The following ZNF436 variants were observed in gnomAD, a reference collection of about 807,000 sequenced individuals.
ZNF436 encodes zinc finger protein 436, also known as DNA-binding protein.
ZNF436 carries 22 observed loss-of-function variants against 41.9 expected under a neutral mutation model. The ratio of observed to expected loss-of-function variants is 0.53; its 90% CI spans 0.38 to 0.75. ZNF436 has a LOEUF of 0.75. ZNF436 is among the 30% of genes least tolerant of loss of function. The pLI is 0.00. For synonymous variants in ZNF436, 217 were observed against 197.8 expected (o/e 1.10, Z -0.82); for missense variants, 506 against 587.3 (o/e 0.86, Z 1.43).
rs1383867459 is a variant in ZNF436 at position 23,360,696 on chromosome 1, T to C, written c.*1273A>G. On this transcript the variant is annotated 3_prime_UTR_variant, in exon 4 of 4. Coordinates refer to ENST00000314011, the MANE Select transcript of ZNF436 (RefSeq NM_001077195.2). ...CATTCTGAGAATAGGACAATCGACC[T>C]ATTTGTCTGGTCATTATCTTCCACA... 2 of 152,682 alleles carry C rather than the reference T, an allele frequency of 1.3e-5. No individual in the cohort carries two copies. The highest frequency in any genetic ancestry group is 1.9e-4 in the East Asian group (1 of 5,206). The allele number at this position is 152,682 out of a possible 1,614,324, so 9.5% of individuals were successfully genotyped here.
At chr1:23,366,975 A>G in intron 3 of ZNF436, 67 bp downstream of exon 3, 1 of 1,561,872 alleles carries the variant, frequency 6.4e-7, no homozygotes. Flanking sequence ...GCTGTGTTGA[A>G]AGAACTAAGT....
chr1:23,364,761 A>G (rs1480039904), intron 3 of ZNF436, among the ~76,000 whole-genome samples: 1 of 152,152 alleles, frequency 6.6e-6, no homozygotes, highest in African/African-American at 2.4e-5. Flanking sequence ...ATACACAACC[A>G]CTGTCTACAA....
At chr1:23,363,694 T>C (rs1181926800) in intron 3 of ZNF436, among the ~76,000 whole-genome samples, 1 of 152,186 alleles carries the variant, frequency 6.6e-6, no homozygotes, top group Non-Finnish European at 1.5e-5. Flanking sequence ...GTATTCAAAC[T>C]CAGGTCTGTC....
chr1:23,369,626 A>G lies in ZNF436; in HGVS notation c.-321T>C, dbSNP rs143619125. Reference sequence around the variant, plus strand: ...CAGGCAGCTCAGAAACCACAGGCTCATAGGCAGATCCCTGAGACCACAGAG... The same window carrying G: ...CAGGCAGCTCAGAAACCACAGGCTCGTAGGCAGATCCCTGAGACCACAGAG... On this transcript the variant is annotated 5_prime_UTR_variant, in exon 1 of 4. It removes an upstream start codon present in the reference 5' UTR. Transcript: ENST00000314011. The G allele has an allele frequency of 1.9e-5, 10 of 518,258 alleles. No individual in the cohort carries two copies. The highest frequency in any genetic ancestry group is 9.7e-5 in the African/African-American group (5 of 51,464). The allele number at this position is 518,258 out of a possible 1,614,324, so 32.1% of individuals were successfully genotyped here.
Position 23,367,158 on chromosome 1 carries a change from G to A in ZNF436, c.44C>T (p.Thr15Met), listed in dbSNP as rs774638824. 6.2e-7 allele frequency: 1 copy of A among 1,609,284 alleles called. No homozygotes were observed. The highest frequency in any genetic ancestry group is 1.1e-5 in the South Asian group (1 of 90,130). The stretch of plus-strand genomic sequence containing the variant: ...GAGATACATGGCCATATCTTCAAAC[G>A]TCACAGGTGCCTGAAATCACACGAT... ...LLMAGSQAPV[T>M]FEDMAMYLTR... The change falls in exon 3 of 4, where the codon ACG becomes ATG. Residue 15 changes from threonine (T) to methionine (M), a missense_variant. Transcript: ENST00000314011.
chr1:23,363,600 G>C (rs1638296587), intron 3 of ZNF436, among the ~76,000 whole-genome samples: 1 of 152,144 alleles, frequency 6.6e-6, no homozygotes, highest in Admixed American at 6.6e-5. Context: ...CAGGAATTGT[G>C]ATTATTTCTA....
rs766519086 is a variant in ZNF436 at position 23,363,206 on chromosome 1, C to G, written c.176G>C (p.Ser59Thr). Residue 59 changes from serine (S) to threonine (T), a missense_variant, in exon 4 of 4, where the codon AGT (serine) becomes ACT (threonine). Ser to Thr is a moderately conservative substitution (Grantham distance 58). This residue lies in a region of ZNF436 where 228 missense variants were observed against 215.1 expected (regional missense o/e 1.06). Transcript: ENST00000314011. Reference sequence around the variant, plus strand: ...TTGCTTGGGATTTACCTCGTTCTCACTCCTGATCTCAAAATCTGTAATAAA... The same window carrying G: ...TTGCTTGGGATTTACCTCGTTCTCAGTCCTGATCTCAAAATCTGTAATAAA... ...NVVSLDFEIR[S>T]ENEVNPKQEI... 6.2e-6 allele frequency: 10 copies of G among 1,610,750 alleles called. No individual in the cohort carries two copies. In the Admixed American group the frequency reaches 1.7e-4, roughly 27 times the overall value.
chr1:23,368,053 C>CT lies in ZNF436; in HGVS notation c.-49dup. ...CAGGGAGAGAGAGCAGGAAAAGCAG[C>CT]TAGCAGACAGCGCTGAAGGAGGCGA... On this transcript the variant is annotated 5_prime_UTR_variant, in exon 2 of 4. Coordinates refer to ENST00000314011, the MANE Select transcript of ZNF436 (RefSeq NM_001077195.2). The CT allele has an allele frequency of 6.2e-7, 1 of 1,611,156 alleles. No homozygotes were observed. The highest frequency in any genetic ancestry group is 8.5e-7 in the Non-Finnish European group (1 of 1,177,706).
Position 23,362,531 on chromosome 1 carries a change from C to T in ZNF436, c.851G>A (p.Gly284Asp), listed in dbSNP as rs779941616. ...GEKPYECNEC[G>D]RGFSERSDLI... ...ATCAGATCTCTCACTGAAGCCTCGG[C>T]CACATTCGTTACATTCATAAGGTTT... Residue 284 changes from glycine to aspartate, a missense_variant, in exon 4 of 4, where the codon GGC becomes GAC. Gly to Asp is a moderately conservative substitution (Grantham distance 94). This residue lies in a region of ZNF436 where 278 missense variants were observed against 372.1 expected (regional missense o/e 0.75). Transcript: ENST00000314011. 1 of 1,613,864 alleles carries T rather than the reference C, an allele frequency of 6.2e-7. No homozygotes were observed. Among genetic ancestry groups the T allele is most frequent in the African/African-American group, 1.3e-5 (1 of 74,814 alleles).
Position 23,369,519 on chromosome 1 carries a change from T to C in ZNF436, c.-214A>G. 1 of 532,032 alleles carries C rather than the reference T, an allele frequency of 1.9e-6. No homozygotes were observed. Among genetic ancestry groups the C allele is most frequent in the Non-Finnish European group, 3.9e-6 (1 of 257,812 alleles). 33.0% of individuals were successfully genotyped at this position (532,032 alleles called of 1,614,324 possible). A position where few individuals can be genotyped will look rare whatever the true frequency, so the allele number is the denominator to read the frequency against. On this transcript the variant is annotated 5_prime_UTR_variant, in exon 1 of 4. Coordinates refer to ENST00000314011, the MANE Select transcript of ZNF436 (RefSeq NM_001077195.2). ...CGGAGGTCTCAGACCCGCAGGTAGA[T>C]CTCGAATTCGTAGACTTGCAGGCGA...
Position 23,362,165 on chromosome 1 carries a change from A to C in ZNF436, c.1217T>G (p.Ile406Ser). Residue 406 changes from isoleucine (I) to serine (S), a missense_variant, in exon 4 of 4, where the codon ATT (isoleucine) becomes AGT (serine). Ile to Ser is a moderately radical substitution (Grantham distance 142). This residue lies in a region of ZNF436 where 278 missense variants were observed against 372.1 expected (regional missense o/e 0.75). Coordinates refer to ENST00000314011, the MANE Select transcript of ZNF436 (RefSeq NM_001077195.2). ...WRSFGERSDL[I>S]KHQRTHTGEK... ...CCCTGTGTGGGTTCTCTGATGTTTA[A>C]TTAGATCTGACCTTTCACCAAAGCT... 6.2e-7 allele frequency: 1 copy of C among 1,613,938 alleles called. No homozygotes were observed.
In ZNF436 at chr1:23,363,119, T is replaced by C; in HGVS notation, c.263A>G (p.Glu88Gly). 1 of 1,614,216 alleles carries C rather than the reference T, an allele frequency of 6.2e-7. No homozygotes were observed. Among genetic ancestry groups the C allele is most frequent in the African/African-American group, 1.3e-5 (1 of 75,066 alleles). Residue 88 changes from glutamate to glycine, a missense_variant, in exon 4 of 4, where the codon GAA becomes GGA. Physicochemically the swap from Glu to Gly is moderately conservative, Grantham distance 98 (BLOSUM62 -2). Around this residue, in one of 2 missense-constraint regions of ZNF436, gnomAD observed 228 missense variants for 215.1 expected, o/e 1.06. Coordinates refer to ENST00000314011, the MANE Select transcript of ZNF436 (RefSeq NM_001077195.2). Reference protein sequence around the residue: ...TSERPAENAEENPESEEGFES... With the variant: ...TSERPAENAEGNPESEEGFES... Reference sequence around the variant, plus strand: ...AAAGCCCTCTTCACTTTCAGGATTTTCCTCAGCATTCTCAGCAGGTCTTTC... The same window carrying C: ...AAAGCCCTCTTCACTTTCAGGATTTCCCTCAGCATTCTCAGCAGGTCTTTC...
At chr1:23,363,290 T>G in intron 3 of ZNF436, 69 bp from the exon 4 acceptor site, 6 of 1,352,738 alleles carry the variant, frequency 4.4e-6, no homozygotes, top group South Asian at 1.4e-5. Flanking sequence ...GGCACTATAC[T>G]AAATTTTTTT....
intron 3 of ZNF436, among the ~76,000 whole-genome samples, chr1:23,364,761 ACT>A (rs1197419939): frequency 6.6e-6 from 1 of 152,152 alleles, no homozygotes; most frequent in Admixed American, 6.5e-5. Context: ...ATACACAACC[ACT>A]GTCTACAAGG....
rs1364013227 is a variant in ZNF436, at chr1:23,361,012, T to TA, written c.*956dup. 2 of 152,398 alleles carry TA rather than the reference T, an allele frequency of 1.3e-5. No individual in the cohort carries two copies. Among genetic ancestry groups the TA allele is most frequent in the South Asian group, 2.1e-4 (1 of 4,824 alleles). The allele number at this position is 152,398 out of a possible 1,614,324, so 9.4% of individuals were successfully genotyped here. On this transcript the variant is annotated 3_prime_UTR_variant, in exon 4 of 4. Transcript: ENST00000314011. ...CTGGGATGTGGCCCTTATCAAATCTTAGAGTTAGCAGGATAGGAAGAGTTG... is the reference window on the plus strand; with the variant it reads ...CTGGGATGTGGCCCTTATCAAATCTTAAGAGTTAGCAGGATAGGAAGAGTTG...
Position 23,361,944 on chromosome 1 carries a change from A to G in ZNF436, c.*25T>C. ...ATAAAATTGTATCTTCAAATGAATC[A>G]TTTCTCAGCCATCATAATTACAGCT... On this transcript the variant is annotated 3_prime_UTR_variant, in exon 4 of 4. Coordinates refer to ENST00000314011, the MANE Select transcript of ZNF436 (RefSeq NM_001077195.2). 3 of 1,546,584 alleles carry G rather than the reference A, an allele frequency of 1.9e-6. No homozygotes were observed. The highest frequency in any genetic ancestry group is 1.4e-5 in the African/African-American group (1 of 72,450).
rs1396172032 is a variant in ZNF436, at chr1:23,360,835, T to G, written c.*1134A>C. ...ATTTTCCATAATGAAAAAAGGACAT[T>G]TCTCACATTGGAGTTATGTCTGTAC... On this transcript the variant is annotated 3_prime_UTR_variant, in exon 4 of 4. Coordinates refer to ENST00000314011, the MANE Select transcript of ZNF436 (RefSeq NM_001077195.2). 6.6e-6 allele frequency: 1 copy of G among 152,622 alleles called. No homozygotes were observed. Among genetic ancestry groups the G allele is most frequent in the Non-Finnish European group, 1.5e-5 (1 of 68,022 alleles). 9.5% of individuals were successfully genotyped at this position (152,622 alleles called of 1,614,324 possible).
intron 1 of ZNF436, 100 bp from the exon 2 acceptor site, chr1:23,368,165 GA>G: frequency 1.3e-6 from 1 of 748,202 alleles, no homozygotes. Context: ...GAGGGCCCTG[GA>G]CCAGGGCCGG....
chr1:23,366,137 T>C (rs2144735), intron 3 of ZNF436, among the ~76,000 whole-genome samples: 12,727 of 152,240 alleles, frequency 0.084, 651 homozygotes, highest in Non-Finnish European at 0.11. Flanking sequence ...TAGATCTGGA[T>C]AGATAACTAT....
Sources: gnomAD v4.1 joint callset for allele counts (sites outside exome capture counted in the v4.1 genomes callset) on GRCh38, gnomAD v4.1.1 for gene constraint, gnomAD v4.1.1 regional missense constraint, MANE v1.5 for transcripts, NCBI Gene and HGNC (gene_info 2026-07-23, HGNC 2026-07-21) for gene names.